The following MAST4 variants were observed in gnomAD, a reference collection of about 807,000 sequenced individuals.
The protein encoded by MAST4 is microtubule associated serine/threonine kinase family member 4.
In MAST4, 89 loss-of-function variants were observed where a neutral mutation model predicts 162.7. The observed-to-expected ratio is 0.55, with a 90% CI of 0.46 to 0.65. The LOEUF (loss-of-function observed/expected upper bound fraction) is 0.65. MAST4 is among the 30% of genes least tolerant of loss of function. The pLI, the probability that MAST4 is intolerant of heterozygous loss-of-function variation, is 0.00. For missense variants in MAST4, 3,153 were observed against 3,374.0 expected (o/e 0.93, Z 1.62); for synonymous variants, 1,479 against 1,361.1 (o/e 1.09, Z -1.91).
At chr5:66,695,300 G>C (rs1023168766) in intron 1 of MAST4, among the ~76,000 whole-genome samples, 1 of 152,112 alleles carries the variant, frequency 6.6e-6, no homozygotes, top group African/African-American at 2.4e-5. Context: ...GTTTTTGTCA[G>C]GTTTGCCGAA....
chr5:66,763,673 C>G (rs1753954892), intron 2 of MAST4, among the ~76,000 whole-genome samples: 1 of 152,098 alleles, frequency 6.6e-6, no homozygotes, highest in South Asian at 2.1e-4. Flanking sequence ...GTTAAATGGT[C>G]TCATAGTGTC....
At position 67,142,402 on chromosome 5, in the gene MAST4, C is replaced by A; in HGVS notation, c.2618-19C>A. 1 of 1,565,952 alleles carries A rather than the reference C, an allele frequency of 6.4e-7. No individual in the cohort carries two copies. The highest frequency in any genetic ancestry group is 8.7e-7 in the Non-Finnish European group (1 of 1,149,326). On this transcript the variant is annotated intron_variant, in intron 20 of 28. Transcript: ENST00000403625. ...GAAAATCTGAGTAATTGGACCTGTT[C>A]CCAAACATTTCACTGCAGCTCGGTC...
intron 3 of MAST4, among the ~76,000 whole-genome samples, chr5:66,838,672 G>A (rs891080724): frequency 2.0e-5 from 3 of 152,214 alleles, no homozygotes; most frequent in African/African-American, 7.2e-5. Context: ...TGGAGGTGGA[G>A]ATATTTCTGC....
At chr5:66,905,733 G>T (rs1763316511) in intron 4 of MAST4, among the ~76,000 whole-genome samples, 1 of 152,186 alleles carries the variant, frequency 6.6e-6, no homozygotes, top group Non-Finnish European at 1.5e-5. Context: ...GTCTGGAAAG[G>T]TGCGATAGCT....
intron 3 of MAST4, among the ~76,000 whole-genome samples, chr5:66,879,911 C>G (rs1297780657): frequency 2.0e-5 from 3 of 152,188 alleles, no homozygotes; most frequent in Admixed American, 6.5e-5. Flanking sequence ...TACCTTTTGA[C>G]CCACCAGTTC....
chr5:66,797,018 T>A (rs531353001), intron 3 of MAST4, among the ~76,000 whole-genome samples: 1 of 152,348 alleles, frequency 6.6e-6, no homozygotes, highest in Admixed American at 6.5e-5. Flanking sequence ...GGTTTCCGTG[T>A]CTGAGGAAAT....
chr5:66,802,668 G>A (rs940597144), intron 3 of MAST4, among the ~76,000 whole-genome samples: 1 of 152,044 alleles, frequency 6.6e-6, no homozygotes, highest in African/African-American at 2.4e-5. Flanking sequence ...TCTAATTTGG[G>A]AGTGTGGAGG....
intron 4 of MAST4, among the ~76,000 whole-genome samples, chr5:66,918,405 G>A (rs1195641853): frequency 2.6e-5 from 4 of 152,196 alleles, no homozygotes; most frequent in Non-Finnish European, 4.4e-5. Context: ...TGAATATTAC[G>A]TGGACTTTAG....
chr5:66,888,112 A>G (rs1204883545), intron 3 of MAST4, among the ~76,000 whole-genome samples: 2 of 152,316 alleles, frequency 1.3e-5, no homozygotes, highest in African/African-American at 4.8e-5. Flanking sequence ...CCCTGTAACA[A>G]ATAGAATCTT....
intron 4 of MAST4, among the ~76,000 whole-genome samples, chr5:66,950,242 CT>C (rs1393173374): frequency 1.0e-4 from 15 of 142,894 alleles, no homozygotes; most frequent in East Asian, 5.9e-4. Flanking sequence ...CTTTTTTTTT[CT>C]TTTTTTTCTT....
At chr5:66,979,084 A>G (rs1329812222) in intron 4 of MAST4, among the ~76,000 whole-genome samples, 2 of 152,188 alleles carry the variant, frequency 1.3e-5, no homozygotes, top group Non-Finnish European at 2.9e-5. Context: ...GAGAATTGCT[A>G]TATCTCAGAT....
chr5:67,025,061 T>G (rs143348227), intron 4 of MAST4, among the ~76,000 whole-genome samples: 49 of 152,332 alleles, frequency 3.2e-4, no homozygotes, highest in Non-Finnish European at 5.7e-4. Context: ...GATTCTCTCT[T>G]GCTTACCTGT....
chr5:67,035,070 T>A (rs1007748420), intron 4 of MAST4, among the ~76,000 whole-genome samples: 4 of 152,148 alleles, frequency 2.6e-5, no homozygotes, highest in African/African-American at 9.7e-5. Context: ...TCTGTTTCTG[T>A]TTTTTGCATT....
chr5:66,960,936 G>A (rs973887658), intron 4 of MAST4, among the ~76,000 whole-genome samples: 2 of 152,124 alleles, frequency 1.3e-5, no homozygotes, highest in African/African-American at 4.8e-5. Flanking sequence ...TTTGGATGTT[G>A]TTTTGGTATC....
intron 1 of MAST4, among the ~76,000 whole-genome samples, chr5:66,599,015 G>A (rs140541460): frequency 3.2e-4 from 49 of 152,318 alleles, no homozygotes; most frequent in African/African-American, 1.1e-3. Flanking sequence ...TCAGAATTGC[G>A]TGTAAACTGA....
chr5:66,816,964 G>C (rs915702252), intron 3 of MAST4, among the ~76,000 whole-genome samples: 1 of 152,084 alleles, frequency 6.6e-6, no homozygotes, highest in Admixed American at 6.6e-5. Context: ...TACTGTTTTG[G>C]ACTCTGTTCA....
chr5:66,733,384 A>T (rs1238217063), intron 1 of MAST4, among the ~76,000 whole-genome samples: 1 of 152,142 alleles, frequency 6.6e-6, no homozygotes, highest in Non-Finnish European at 1.5e-5. Flanking sequence ...CTTCAGATAG[A>T]TAATTTACCA....
chr5:66,686,376 A>G (rs1052998496), intron 1 of MAST4, among the ~76,000 whole-genome samples: 3 of 152,226 alleles, frequency 2.0e-5, no homozygotes, highest in Non-Finnish European at 4.4e-5. Flanking sequence ...CCAAAAGTAG[A>G]TGAAAAGTTT....
chr5:66,696,975 G>C (rs374090695), intron 1 of MAST4, among the ~76,000 whole-genome samples: 1 of 152,096 alleles, frequency 6.6e-6, no homozygotes, highest in African/African-American at 2.4e-5. Flanking sequence ...AATATTCTGC[G>C]TGATGAAATG....
Sources: gnomAD v4.1 joint callset for allele counts (sites outside exome capture counted in the v4.1 genomes callset) on GRCh38, gnomAD v4.1.1 for gene constraint, MANE v1.5 for transcripts, NCBI Gene and HGNC (gene_info 2026-07-23, HGNC 2026-07-21) for gene names.